The following REDIC1 variants were observed in gnomAD, a reference collection of about 807,000 sequenced individuals.
The protein encoded by REDIC1 is regulator of DNA class I crossover intermediates 1.
the REDIC1 span, among the ~76,000 whole-genome samples, chr12:39,626,755 T>C: frequency 1.4e-4 from 21 of 152,346 alleles, no homozygotes; most frequent in African/African-American, 4.8e-4. Flanking sequence ...TTGCATGAAT[T>C]TGGAAATTGT....
At chr12:39,770,659 A>G in the REDIC1 span, among the ~76,000 whole-genome samples, 1 of 152,198 alleles carries the variant, frequency 6.6e-6, no homozygotes, top group Non-Finnish European at 1.5e-5. Context: ...CTCAATGCTT[A>G]GCATACTGCC....
the REDIC1 span, among the ~76,000 whole-genome samples, chr12:39,848,610 T>C: frequency 1.3e-5 from 2 of 152,180 alleles, no homozygotes; most frequent in African/African-American, 2.4e-5. Flanking sequence ...TGGAAAGCAG[T>C]ATGGCAATTC....
At chr12:39,634,938 A>G in the REDIC1 span, among the ~76,000 whole-genome samples, 1 of 152,206 alleles carries the variant, frequency 6.6e-6, no homozygotes. Context: ...ACAAATTTAC[A>G]AGAAAAAAAA....
At chr12:39,721,883 G>A in the REDIC1 span, 2 of 151,986 alleles carry the variant, frequency 1.3e-5, no homozygotes, top group African/African-American at 2.4e-5. Flanking sequence ...TAAAATAATT[G>A]TTTGAAATTA....
the REDIC1 span, among the ~76,000 whole-genome samples, chr12:39,833,904 A>AG: frequency 1.4e-4 from 21 of 151,810 alleles, no homozygotes; most frequent in East Asian, 2.9e-3. Context: ...AAAAAAAAAA[A>AG]AAAAAAAAAA....
chr12:39,713,036 TATATACATGTGTATATACGTGTATATGTG>T, the REDIC1 span, among the ~76,000 whole-genome samples: 1 of 142,984 alleles, frequency 7.0e-6, no homozygotes, highest in East Asian at 2.0e-4. Context: ...TGTATATGTA[TATATACATGTGTATATACGTGTATATGTG>T]TATACACGTG....
the REDIC1 span, among the ~76,000 whole-genome samples, chr12:39,784,266 A>C: frequency 6.6e-6 from 1 of 152,206 alleles, no homozygotes; most frequent in East Asian, 1.9e-4. Flanking sequence ...CGCATTGCCA[A>C]GTCAATCCTA....
the REDIC1 span, among the ~76,000 whole-genome samples, chr12:39,670,287 A>T: frequency 0.86 from 131,352 of 152,172 alleles, 56,962 homozygotes; most frequent in African/African-American, 0.92. Flanking sequence ...GCCTCCTGGG[A>T]GCAAGCAATT....
At chr12:39,745,954 C>T in the REDIC1 span, 127,554 of 152,228 alleles carry the variant, frequency 0.84, 53,680 homozygotes, top group African/African-American at 0.88. Flanking sequence ...GCACAGGGTC[C>T]GGTTCCAAGA....
the REDIC1 span, chr12:39,646,531 A>C: frequency 7.2e-7 from 1 of 1,380,838 alleles, no homozygotes; most frequent in Non-Finnish European, 9.8e-7. Context: ...TACTCACTCG[A>C]AAATGTATAA....
At chr12:39,736,150 A>T in the REDIC1 span, among the ~76,000 whole-genome samples, 2 of 152,346 alleles carry the variant, frequency 1.3e-5, no homozygotes, top group African/African-American at 2.4e-5. Flanking sequence ...ACCCATGGAG[A>T]TGCTATGCTG....
the REDIC1 span, among the ~76,000 whole-genome samples, chr12:39,905,462 T>C: frequency 6.6e-6 from 1 of 152,180 alleles, no homozygotes; most frequent in Non-Finnish European, 1.5e-5. Context: ...ATCATGATTT[T>C]AATTAAGTTT....
chr12:39,759,844 C>T, the REDIC1 span: 2 of 556,960 alleles, frequency 3.6e-6, no homozygotes, highest in East Asian at 2.9e-5. Context: ...AAATATTGTT[C>T]CTTGTGGAAA....
At chr12:39,770,432 T>G in the REDIC1 span, among the ~76,000 whole-genome samples, 1 of 152,168 alleles carries the variant, frequency 6.6e-6, no homozygotes, top group Non-Finnish European at 1.5e-5. Flanking sequence ...ATAGCCATAT[T>G]CATTCAAAAG....
the REDIC1 span, chr12:39,691,923 C>T: frequency 6.4e-6 from 5 of 785,362 alleles, no homozygotes; most frequent in East Asian, 1.5e-4. Flanking sequence ...TAAAAATAAA[C>T]CATGTTGAAC....
At chr12:39,652,733 G>A in the REDIC1 span, among the ~76,000 whole-genome samples, 7 of 152,034 alleles carry the variant, frequency 4.6e-5, no homozygotes, top group Non-Finnish European at 7.4e-5. Context: ...TTCATTTTGA[G>A]TTAATTTTTA....
the REDIC1 span, among the ~76,000 whole-genome samples, chr12:39,634,940 G>GA: frequency 7.3e-5 from 11 of 149,726 alleles, no homozygotes; most frequent in African/African-American, 9.8e-5. Context: ...AAATTTACAA[G>GA]AAAAAAAAAC....
the REDIC1 span, among the ~76,000 whole-genome samples, chr12:39,896,526 A>C: frequency 6.9e-6 from 1 of 145,522 alleles, no homozygotes; most frequent in African/African-American, 2.6e-5. Flanking sequence ...GTATACATGT[A>C]TACATGTATG....
At chr12:39,722,121 G>T in the REDIC1 span, among the ~76,000 whole-genome samples, 1 of 152,014 alleles carries the variant, frequency 6.6e-6, no homozygotes. Flanking sequence ...ATTGTTAGAG[G>T]TTTCTTTGCC....
Sources: gnomAD v4.1 joint callset for allele counts (sites outside exome capture counted in the v4.1 genomes callset) on GRCh38, gnomAD v4.1.1 for gene constraint, MANE v1.5 for transcripts, NCBI Gene and HGNC (gene_info 2026-07-23, HGNC 2026-07-21) for gene names.